CLEC1A: variants seen among roughly 807,000 people sequenced by gnomAD.
CLEC1A encodes the protein C-type lectin domain family 1 member A.
Under a neutral mutation model 28.7 loss-of-function variants are expected in CLEC1A, and 34 were observed. The ratio of observed to expected loss-of-function variants is 1.18; its 90% confidence interval spans 0.90 to 1.57. The LOEUF is 1.57. Among genes scored for constraint, CLEC1A ranks in the 40% most tolerant of loss-of-function variants. The probability of loss-of-function intolerance (pLI) is 0.00; values close to 1 mark genes in which losing one functional copy is unlikely to be tolerated. For missense variants in CLEC1A, 385 were observed against 339.5 expected, an observed-to-expected ratio of 1.13 and a Z score of -1.05; for synonymous variants, 116 against 121.0, an observed-to-expected ratio of 0.96 and a Z score of 0.27.
intron 1 of CLEC1A, among the ~76,000 whole-genome samples, chr12:10,090,248 T>G (rs1866585245): frequency 6.6e-6 from 1 of 152,160 alleles, no homozygotes; most frequent in Non-Finnish European, 1.5e-5. Flanking sequence ...TTCTTTTCCT[T>G]CTAGCAAGGT....
intron 4 of CLEC1A, among the ~76,000 whole-genome samples, chr12:10,074,251 A>G (rs1866202486): frequency 6.6e-6 from 1 of 152,184 alleles, no homozygotes; most frequent in African/African-American, 2.4e-5. Context: ...ACTTTGTTTC[A>G]TTGTTACATC....
At chr12:10,095,198 T>C (rs114024219) in intron 1 of CLEC1A, among the ~76,000 whole-genome samples, 2,846 of 152,276 alleles carry the variant, frequency 0.019, 90 homozygotes, top group African/African-American at 0.065. Flanking sequence ...ATTTATGCTG[T>C]AATTGAGGAA....
chr12:10,077,753 T>C (rs1041722380), intron 3 of CLEC1A, among the ~76,000 whole-genome samples: 8 of 152,124 alleles, frequency 5.3e-5, no homozygotes, highest in African/African-American at 1.9e-4. Flanking sequence ...AAAAGGCTAA[T>C]CGTCTTTTTT....
chr12:10,081,323 G>A lies in CLEC1A; in HGVS notation c.305C>T (p.Ser102Phe). 5 of 1,613,490 alleles carry A rather than the reference G, an allele frequency of 3.1e-6. No individual in the cohort carries two copies. Among genetic ancestry groups the A allele is most frequent in the Non-Finnish European group, 4.2e-6 (5 of 1,179,684 alleles). ...AAGCTTTATATTCTGGACTTGAAGA[G>A]ATTGCAACTCTTGGGACGTATTTCC... ...RLGNTSQELQ[S>F]LQVQNIKLAG... The change falls in exon 3 of 6, where the codon TCT becomes TTT. Residue 102 changes from serine (S) to phenylalanine (F), a missense_variant. Transcript: ENST00000315330.
At chr12:10,087,946 G>A (rs1010451101) in intron 2 of CLEC1A, among the ~76,000 whole-genome samples, 3 of 151,998 alleles carry the variant, frequency 2.0e-5, no homozygotes, top group African/African-American at 7.2e-5. Context: ...TTTACTGCTT[G>A]ATAAATATTT....
At chr12:10,077,426 C>A (rs1016599121) in intron 3 of CLEC1A, among the ~76,000 whole-genome samples, 1 of 152,086 alleles carries the variant, frequency 6.6e-6, no homozygotes, top group African/African-American at 2.4e-5. Context: ...TCTCTGCTCC[C>A]CCCAAAAATA....
intron 3 of CLEC1A, among the ~76,000 whole-genome samples, chr12:10,080,444 G>A (rs1866344595): frequency 3.9e-5 from 6 of 152,174 alleles, no homozygotes; most frequent in Admixed American, 3.3e-4. Context: ...CTCCTGCATA[G>A]CCATGCAATC....
At chr12:10,085,296 A>C (rs1866466999) in intron 2 of CLEC1A, among the ~76,000 whole-genome samples, 1 of 151,846 alleles carries the variant, frequency 6.6e-6, no homozygotes, top group African/African-American at 2.4e-5. Flanking sequence ...ACAGTACTGC[A>C]CATCTCAATA....
chr12:10,088,740 T>G (rs772961894), intron 2 of CLEC1A, among the ~76,000 whole-genome samples: 3 of 152,040 alleles, frequency 2.0e-5, no homozygotes, highest in Non-Finnish European at 4.4e-5. Flanking sequence ...CGTGGCTCTA[T>G]GGGTAGCATA....
intron 4 of CLEC1A, among the ~76,000 whole-genome samples, chr12:10,074,262 C>A (rs1185749433): frequency 3.3e-5 from 5 of 152,028 alleles, no homozygotes; most frequent in Admixed American, 6.5e-5. Context: ...TTGTTACATC[C>A]AAAACCCCTC....
intron 2 of CLEC1A, among the ~76,000 whole-genome samples, chr12:10,085,395 A>T (rs1242293307): frequency 4.6e-5 from 7 of 152,166 alleles, no homozygotes; most frequent in Non-Finnish European, 1.0e-4. Context: ...TGCTGTCTTC[A>T]AAAGACTCAC....
chr12:10,078,543 C>A (rs1866300258), intron 3 of CLEC1A, among the ~76,000 whole-genome samples: 1 of 152,134 alleles, frequency 6.6e-6, no homozygotes, highest in African/African-American at 2.4e-5. Flanking sequence ...ATTCCTTATC[C>A]CTCTTGCCTT....
At chr12:10,098,509 G>C (rs1192445654) in intron 1 of CLEC1A, among the ~76,000 whole-genome samples, 2 of 152,086 alleles carry the variant, frequency 1.3e-5, no homozygotes, top group Non-Finnish European at 1.5e-5. Context: ...GGCATACCTG[G>C]TTTAGGACCT....
intron 1 of CLEC1A, among the ~76,000 whole-genome samples, chr12:10,093,935 GTTTCT>G (rs1947742459): frequency 6.6e-6 from 1 of 151,956 alleles, no homozygotes; most frequent in Non-Finnish European, 1.5e-5. Flanking sequence ...GTAAATGCAG[GTTTCT>G]TTTCTCTTAT....
chr12:10,073,461 A>C, intron 4 of CLEC1A, 50 bp from the exon 5 acceptor site: 1 of 1,340,918 alleles, frequency 7.5e-7, no homozygotes, highest in African/African-American at 1.4e-5. Context: ...ATGATTACTC[A>C]CATGTACAGA....
At chr12:10,082,477 C>T (rs1361980066) in intron 2 of CLEC1A, among the ~76,000 whole-genome samples, 1 of 152,128 alleles carries the variant, frequency 6.6e-6, no homozygotes, top group Non-Finnish European at 1.5e-5. Flanking sequence ...TGAGAACCAA[C>T]CCCCATCCCC....
At chr12:10,086,304 A>G (rs979942870) in intron 2 of CLEC1A, among the ~76,000 whole-genome samples, 1 of 151,954 alleles carries the variant, frequency 6.6e-6, no homozygotes, top group Non-Finnish European at 1.5e-5. Context: ...AACAAACCAA[A>G]CCCAAATCCA....
intron 2 of CLEC1A, among the ~76,000 whole-genome samples, chr12:10,083,302 C>T (rs1054872907): frequency 1.3e-5 from 2 of 152,256 alleles, no homozygotes; most frequent in East Asian, 1.9e-4. Flanking sequence ...TATGACAAAA[C>T]AGGATTCTAT....
chr12:10,091,644 T>G (rs1389954320), intron 1 of CLEC1A, among the ~76,000 whole-genome samples: 1 of 125,636 alleles, frequency 8.0e-6, no homozygotes, highest in Non-Finnish European at 1.8e-5. Context: ...GTATTTCAGA[T>G]CAGCAGAACA....
Sources: gnomAD v4.1 joint callset for allele counts (sites outside exome capture counted in the v4.1 genomes callset) on GRCh38, gnomAD v4.1.1 for gene constraint, MANE v1.5 for transcripts, NCBI Gene and HGNC (gene_info 2026-07-23, HGNC 2026-07-21) for gene names.